Variants in MSI2 observed in about 807,000 individuals in gnomAD.
MSI2 encodes the protein RNA-binding protein Musashi homolog 2.
A neutral mutation model predicts 45.6 loss-of-function variants in MSI2; 17 were observed. That is an observed-to-expected ratio of 0.37 (90% CI 0.26 to 0.56). The LOEUF is 0.56. Among genes scored for constraint, MSI2 ranks in the 20% least tolerant of loss-of-function variants. The pLI is 0.77. For synonymous variants in MSI2, 156 were observed against 158.2 expected (o/e 0.99, Z 0.11); for missense variants, 293 against 444.2 (o/e 0.66, Z 3.06).
At chr17:57,335,882 A>G (rs1057402360) in intron 5 of MSI2, among the ~76,000 whole-genome samples, 1 of 152,134 alleles carries the variant, frequency 6.6e-6, no homozygotes, top group Non-Finnish European at 1.5e-5. Context: ...CAGGTAGACT[A>G]TTTGGGGCTA....
At chr17:57,648,240 G>C (rs978761067) in intron 10 of MSI2, among the ~76,000 whole-genome samples, 6 of 150,812 alleles carry the variant, frequency 4.0e-5, no homozygotes, top group Non-Finnish European at 8.8e-5. Flanking sequence ...CTGACCTCAA[G>C]TTATCGGCCC....
intron 5 of MSI2, 130 bp from the exon 6 acceptor site, chr17:57,401,249 C>T (rs2083984530): frequency 2.8e-6 from 2 of 723,314 alleles, no homozygotes; most frequent in South Asian, 1.6e-5. Context: ...AACGCCCGCG[C>T]CATGCAGCTT....
intron 6 of MSI2, among the ~76,000 whole-genome samples, chr17:57,401,715 G>C (rs1427532167): frequency 6.6e-6 from 1 of 152,198 alleles, no homozygotes; most frequent in African/African-American, 2.4e-5. Context: ...AGTTTTGCGG[G>C]CATTTGCTGG....
intron 5 of MSI2, among the ~76,000 whole-genome samples, chr17:57,336,791 C>T (rs557609246): frequency 5.9e-4 from 90 of 152,236 alleles, no homozygotes; most frequent in Non-Finnish European, 9.7e-4. Flanking sequence ...CCTACTGCCG[C>T]GTAACAAATT....
chr17:57,340,084 A>G (rs898214826), intron 5 of MSI2, among the ~76,000 whole-genome samples: 2 of 152,168 alleles, frequency 1.3e-5, no homozygotes, highest in African/African-American at 2.4e-5. Flanking sequence ...GATACTGACT[A>G]ACATTTCTTG....
chr17:57,563,146 T>C (rs898254761), intron 7 of MSI2, among the ~76,000 whole-genome samples: 5 of 147,794 alleles, frequency 3.4e-5, no homozygotes, highest in Non-Finnish European at 7.4e-5. Context: ...GTGGGGTCCA[T>C]GTGCAGTTTT....
chr17:57,481,649 A>T (rs184275573), intron 6 of MSI2, among the ~76,000 whole-genome samples: 1 of 152,326 alleles, frequency 6.6e-6, no homozygotes, highest in East Asian at 1.9e-4. Flanking sequence ...AAGAAGAAAA[A>T]TGTTTCATTT....
chr17:57,418,047 G>C (rs951703597), intron 6 of MSI2, among the ~76,000 whole-genome samples: 2 of 152,186 alleles, frequency 1.3e-5, no homozygotes, highest in African/African-American at 4.8e-5. Flanking sequence ...TAAAGGGTCA[G>C]ATACCAAATA....
intron 7 of MSI2, among the ~76,000 whole-genome samples, chr17:57,555,251 GCT>G (rs201721743): frequency 0.038 from 5,774 of 152,284 alleles, 159 homozygotes; most frequent in Non-Finnish European, 0.053. Flanking sequence ...CCACCGCCAT[GCT>G]CTGTTTCAGA....
At chr17:57,526,554 C>G (rs2086706935) in intron 6 of MSI2, among the ~76,000 whole-genome samples, 1 of 151,886 alleles carries the variant, frequency 6.6e-6, no homozygotes, top group Admixed American at 6.6e-5. Flanking sequence ...CACATAGAAC[C>G]GTGAGAAACA....
intron 5 of MSI2, among the ~76,000 whole-genome samples, chr17:57,362,814 G>C (rs1225419353): frequency 6.6e-6 from 1 of 152,092 alleles, no homozygotes. Context: ...TATGAAAAAA[G>C]AGTCAGGAGA....
intron 8 of MSI2, chr17:57,606,358 A>G (rs1474927087): frequency 6.6e-6 from 1 of 152,218 alleles, no homozygotes; most frequent in African/African-American, 2.4e-5. Flanking sequence ...CACAGCTGTC[A>G]CTGTTTTAGA....
Position 57,430,640 on chromosome 17 carries a change from G to A in MSI2, c.405+29169G>A, listed in dbSNP as rs1018385218. On this transcript the variant is annotated intron_variant, in intron 6 of 13. Coordinates refer to ENST00000284073, the MANE Select transcript of MSI2 (RefSeq NM_138962.4). ...CTCATTTTCCCATATGAGAGACTCC[G>A]GGGCTGCACTCAACAGATTCTGTCT... 7.9e-5 allele frequency among the ~76,000 whole-genome samples: 12 copies of A among 152,242 alleles called. No individual in the cohort carries two copies. The South Asian group carries it at 8.3e-4, about 11-fold the overall frequency.
chr17:57,299,387 A>T (rs1911250192), intron 5 of MSI2, among the ~76,000 whole-genome samples: 1 of 152,252 alleles, frequency 6.6e-6, no homozygotes. Flanking sequence ...TGCCTTCCTC[A>T]CTAAGCTTAA....
intron 5 of MSI2, among the ~76,000 whole-genome samples, chr17:57,382,685 C>A (rs571429358): frequency 1.3e-5 from 2 of 152,172 alleles, no homozygotes; most frequent in South Asian, 4.1e-4. Context: ...TAACATATTA[C>A]CCCCTCCACC....
At chr17:57,293,155 G>A (rs1176792245) in intron 5 of MSI2, among the ~76,000 whole-genome samples, 2 of 152,034 alleles carry the variant, frequency 1.3e-5, no homozygotes, top group East Asian at 3.9e-4. Context: ...ATTACCCAGT[G>A]CCCATGGTTT....
At chr17:57,538,278 G>T (rs752655056) in intron 7 of MSI2, among the ~76,000 whole-genome samples, 1 of 152,150 alleles carries the variant, frequency 6.6e-6, no homozygotes, top group Non-Finnish European at 1.5e-5. Flanking sequence ...CTGCCTCCCC[G>T]TTGGGACTTA....
intron 5 of MSI2, among the ~76,000 whole-genome samples, chr17:57,317,507 T>G (rs1367766392): frequency 1.4e-5 from 1 of 72,918 alleles, no homozygotes; most frequent in Non-Finnish European, 2.3e-5. Flanking sequence ...ATAGTTTTGC[T>G]TTTTTTTTTT....
At chr17:57,476,775 A>G (rs913031542) in intron 6 of MSI2, among the ~76,000 whole-genome samples, 1 of 152,200 alleles carries the variant, frequency 6.6e-6, no homozygotes, top group Non-Finnish European at 1.5e-5. Flanking sequence ...TTCATTTGAC[A>G]GGTGAGAACA....
Sources: allele counts gnomAD v4.1 joint callset (sites outside exome capture counted in the v4.1 genomes callset), GRCh38; gene constraint gnomAD v4.1.1; transcripts MANE v1.5; gene names NCBI Gene and HGNC (gene_info 2026-07-23, HGNC 2026-07-21).